Variants in CDH18 observed in about 807,000 individuals in gnomAD.
The protein encoded by CDH18 is cadherin-18.
CDH18 carries 31 observed loss-of-function variants against 67.9 expected under a neutral mutation model. The observed-to-expected ratio is 0.46, with a 90% CI of 0.34 to 0.62. The LOEUF is 0.62. Ranked by LOEUF, CDH18 falls within the 20% of genes least tolerant of loss-of-function variation. The pLI is 0.01. For synonymous variants in CDH18, 362 were observed against 347.2 expected (o/e 1.04, Z -0.48); for missense variants, 890 against 975.5 (o/e 0.91, Z 1.17).
intron 1 of CDH18, among the ~76,000 whole-genome samples, chr5:20,259,911 T>A (rs1406863380): frequency 6.6e-6 from 1 of 151,914 alleles, no homozygotes; most frequent in Non-Finnish European, 1.5e-5. Context: ...TTAAAATAAT[T>A]GGCCTTTCCA....
chr5:19,980,837 G>A (rs1025975782), intron 2 of CDH18, among the ~76,000 whole-genome samples: 2 of 152,094 alleles, frequency 1.3e-5, no homozygotes, highest in Admixed American at 6.6e-5. Flanking sequence ...CAATATATGT[G>A]CAAAACTCAG....
intron 1 of CDH18, among the ~76,000 whole-genome samples, chr5:20,275,059 C>A (rs1288420913): frequency 6.6e-6 from 1 of 151,984 alleles, no homozygotes; most frequent in Non-Finnish European, 1.5e-5. Context: ...CAAGAGGGAT[C>A]CTGAAGAAAA....
chr5:19,567,853 T>G (rs1485710112), intron 8 of CDH18, among the ~76,000 whole-genome samples: 1 of 152,122 alleles, frequency 6.6e-6, no homozygotes, highest in Non-Finnish European at 1.5e-5. Context: ...GGAGAGTGCA[T>G]GTTTCATATG....
chr5:19,993,751 A>G (rs1161002474), intron 2 of CDH18, among the ~76,000 whole-genome samples: 1 of 152,118 alleles, frequency 6.6e-6, no homozygotes, highest in African/African-American at 2.4e-5. Context: ...TATATAGATA[A>G]TAGATATATA....
intron 2 of CDH18, among the ~76,000 whole-genome samples, chr5:19,910,677 G>T (rs1164662977): frequency 4.6e-5 from 7 of 152,062 alleles, no homozygotes; most frequent in Admixed American, 4.6e-4. Context: ...AAAGGTGTCT[G>T]AAGGCCATAC....
chr5:20,303,839 A>C (rs2149973204), intron 1 of CDH18, among the ~76,000 whole-genome samples: 1 of 152,378 alleles, frequency 6.6e-6, no homozygotes, highest in Admixed American at 6.5e-5. Flanking sequence ...AATGTATTTT[A>C]CACTTTAGGC....
chr5:19,787,436 A>G (rs1775923208), intron 3 of CDH18, among the ~76,000 whole-genome samples: 2 of 151,734 alleles, frequency 1.3e-5, no homozygotes, highest in Admixed American at 1.3e-4. Context: ...TGGGCAACAG[A>G]GCGAGACTGT....
intron 2 of CDH18, among the ~76,000 whole-genome samples, chr5:20,199,355 T>A (rs2126746591): frequency 6.6e-6 from 1 of 152,258 alleles, no homozygotes; most frequent in East Asian, 1.9e-4. Context: ...AAGGATAATG[T>A]TTTGGAAGTT....
intron 1 of CDH18, among the ~76,000 whole-genome samples, chr5:20,557,760 C>G (rs1757982093): frequency 6.6e-6 from 1 of 151,440 alleles, no homozygotes; most frequent in Non-Finnish European, 1.5e-5. Flanking sequence ...ATTTCTATTA[C>G]TAAGGAATAG....
At chr5:20,324,933 G>A (rs1252632897) in intron 1 of CDH18, among the ~76,000 whole-genome samples, 1 of 152,122 alleles carries the variant, frequency 6.6e-6, no homozygotes, top group East Asian at 1.9e-4. Context: ...TAATGAATAT[G>A]TTAAAATTGC....
At chr5:19,658,518 G>T (rs1756719560) in intron 5 of CDH18, among the ~76,000 whole-genome samples, 1 of 152,072 alleles carries the variant, frequency 6.6e-6, no homozygotes, top group Non-Finnish European at 1.5e-5. Flanking sequence ...GTGTGAAACT[G>T]TTTGAGACAT....
chr5:19,809,194 T>C (rs1778371452), intron 3 of CDH18, among the ~76,000 whole-genome samples: 1 of 151,804 alleles, frequency 6.6e-6, no homozygotes, highest in Non-Finnish European at 1.5e-5. Context: ...CTAGAAACAG[T>C]AAGAGATAAT....
intron 2 of CDH18, among the ~76,000 whole-genome samples, chr5:20,090,758 G>A (rs562112642): frequency 7.8e-4 from 119 of 151,950 alleles, no homozygotes; most frequent in South Asian, 1.2e-3. Flanking sequence ...GGCTGGGTGC[G>A]GTGACTCACA....
intron 1 of CDH18, among the ~76,000 whole-genome samples, chr5:20,444,737 G>A (rs1749877378): frequency 6.6e-6 from 1 of 151,394 alleles, no homozygotes; most frequent in South Asian, 2.1e-4. Flanking sequence ...ACTCAAGTTA[G>A]GCTCATCTGA....
At chr5:19,634,536 G>A (rs1752844543) in intron 5 of CDH18, among the ~76,000 whole-genome samples, 1 of 152,188 alleles carries the variant, frequency 6.6e-6, no homozygotes, top group East Asian at 1.9e-4. Flanking sequence ...AGAAGCACAA[G>A]TAACATCATA....
intron 3 of CDH18, among the ~76,000 whole-genome samples, chr5:19,759,936 T>C (rs1373127174): frequency 6.6e-6 from 1 of 152,164 alleles, no homozygotes; most frequent in Non-Finnish European, 1.5e-5. Flanking sequence ...TTCAAATTAG[T>C]ATTTTGTCCA....
intron 1 of CDH18, among the ~76,000 whole-genome samples, chr5:20,363,473 G>A (rs1183712582): frequency 3.3e-5 from 2 of 60,934 alleles, no homozygotes; most frequent in African/African-American, 7.7e-5. Context: ...GCGAGACTCC[G>A]TATCAAAAAA....
intron 1 of CDH18, among the ~76,000 whole-genome samples, chr5:20,426,287 AT>A (rs1243708688): frequency 6.6e-6 from 1 of 151,200 alleles, no homozygotes; most frequent in Non-Finnish European, 1.5e-5. Flanking sequence ...TATGCAATGC[AT>A]GATAATTATT....
intron 6 of CDH18, among the ~76,000 whole-genome samples, chr5:19,597,372 T>C (rs142357326): frequency 1.7e-3 from 262 of 152,326 alleles, no homozygotes; most frequent in African/African-American, 5.9e-3. Context: ...ATATGCCAAT[T>C]GGAATGCTTT....
Sources: allele counts gnomAD v4.1 joint callset (sites outside exome capture counted in the v4.1 genomes callset), GRCh38; gene constraint gnomAD v4.1.1; transcripts MANE v1.5; gene names NCBI Gene and HGNC (gene_info 2026-07-23, HGNC 2026-07-21).